The following STAG2 variants were observed in gnomAD, a reference collection of about 807,000 sequenced individuals.
STAG2 encodes the protein STAG2 cohesin complex component, also known as cohesin subunit SA-2.
A neutral mutation model predicts 108.1 loss-of-function variants in STAG2; 14 were observed. That is an observed-to-expected ratio of 0.13 (90% CI 0.09 to 0.20). The LOEUF is 0.20. STAG2 is among the 10% of genes least tolerant of loss of function. STAG2 has a pLI of 1.00. For synonymous variants in STAG2, 307 were observed against 302.7 expected (o/e 1.01, Z -0.15); for missense variants, 440 against 940.9 (o/e 0.47, Z 6.96).
intron 5 of STAG2, among the ~76,000 whole-genome samples, chrX:124,032,076 G>A: frequency 9.0e-6 from 1 of 111,668 alleles, no homozygotes; most frequent in South Asian, 3.7e-4. Context: ...AAATAATTTG[G>A]TCAAAAATAT....
At chrX:124,091,301 T>C (rs1027922899) in intron 32 of STAG2, among the ~76,000 whole-genome samples, 5 of 111,444 alleles carry the variant, frequency 4.5e-5, no homozygotes, top group Admixed American at 3.8e-4. Flanking sequence ...CCTGAACTAT[T>C]GTATTAGCTT....
chrX:123,974,534 C>A (rs1359990937), intron 1 of STAG2, among the ~76,000 whole-genome samples: 4 of 100,034 alleles, frequency 4.0e-5, no homozygotes, highest in African/African-American at 1.5e-4. Context: ...GCCCCATGAT[C>A]ATCTTATATA....
intron 6 of STAG2, among the ~76,000 whole-genome samples, chrX:124,038,253 G>C (rs766568079): frequency 9.0e-6 from 1 of 111,352 alleles, no homozygotes; most frequent in South Asian, 3.7e-4. Flanking sequence ...ACAAAATTAT[G>C]TAAGTTGGGG....
At chrX:124,026,050 G>C (rs369714347) in intron 4 of STAG2, 132 bp downstream of exon 4, 1 of 358,394 alleles carries the variant, frequency 2.8e-6, no homozygotes, top group African/African-American at 2.7e-5. Context: ...GGTATGGTAA[G>C]CCTTCTGAGT....
chrX:124,050,608 CTGT>C (rs771399757), intron 11 of STAG2, among the ~76,000 whole-genome samples: 170 of 110,854 alleles, frequency 1.5e-3, no homozygotes, highest in Non-Finnish European at 2.9e-3. Context: ...AACCATTACG[CTGT>C]TGTTATCTGA....
At chrX:124,050,445 C>T in intron 11 of STAG2, 136 bp downstream of exon 11, 1 of 701,572 alleles carries the variant, frequency 1.4e-6, no homozygotes. Flanking sequence ...TTTCTATCTT[C>T]TCTGTAAAAA....
At chrX:124,070,984 G>T (rs764154069) in intron 24 of STAG2, among the ~76,000 whole-genome samples, 165 bp from the exon 25 acceptor site, 2 of 111,649 alleles carry the variant, frequency 1.8e-5, no homozygotes, top group South Asian at 7.4e-4. Flanking sequence ...ATTATACTTC[G>T]CAGCTTTAGA....
rs1277854661 is a variant in STAG2 at position 124,061,823 on chromosome X, T to C, written c.1587T>C (p.Ile529=). ...TGATTGAAATAATGCTTTGTACCAT[T>C]AGACAAGCGGCTGAATGTCATCCTC... is the stretch of plus-strand genomic sequence containing the variant. ...SALIEIMLCT[I]RQAAECHPPV... The change falls in exon 17 of 35, where the codon ATT becomes ATC. Residue 529 remains isoleucine (I), a synonymous_variant. Coordinates refer to ENST00000371145, the MANE Select transcript of STAG2 (RefSeq NM_001042750.2). 2 of 1,185,358 alleles carry C rather than the reference T, an allele frequency of 1.7e-6. No homozygotes were observed. Among genetic ancestry groups the C allele is most frequent in the African/African-American group, 1.9e-5 (1 of 53,777 alleles).
chrX:124,060,165 A>G (rs754410138), intron 15 of STAG2, among the ~76,000 whole-genome samples: 5 of 111,369 alleles, frequency 4.5e-5, no homozygotes, highest in South Asian at 3.7e-4. Flanking sequence ...GTCTCGCTCT[A>G]TTGCCCAGGC....
At chrX:123,983,334 A>G (rs975263825) in intron 1 of STAG2, among the ~76,000 whole-genome samples, 8 of 110,448 alleles carry the variant, frequency 7.2e-5, no homozygotes, top group Admixed American at 3.9e-4. Flanking sequence ...GTTCATTTCA[A>G]TTTACTACTT....
chrX:124,048,887 AT>A, intron 9 of STAG2, 117 bp from the exon 10 acceptor site: 2 of 540,589 alleles, frequency 3.7e-6, no homozygotes, highest in Non-Finnish European at 6.3e-6. Flanking sequence ...GTCTAGTATA[AT>A]TCAAAATTCC....
chrX:123,998,611 T>TTA (rs2147818561), intron 1 of STAG2, among the ~76,000 whole-genome samples: 1 of 108,031 alleles, frequency 9.3e-6, no homozygotes, highest in South Asian at 4.1e-4. Context: ...TCTATCTATC[T>TTA]ATCTATCTAT....
intron 11 of STAG2, 63 bp from the exon 12 acceptor site, chrX:124,051,058 T>C: frequency 3.1e-6 from 2 of 650,068 alleles, no homozygotes; most frequent in Non-Finnish European, 4.7e-6. Context: ...ATCTTGAATA[T>C]TGAAGTTGAA....
At chrX:124,030,490 A>T (rs2057295441) in intron 4 of STAG2, among the ~76,000 whole-genome samples, 1 of 112,079 alleles carries the variant, frequency 8.9e-6, no homozygotes, top group African/African-American at 3.2e-5. Flanking sequence ...ACTCCTTTTA[A>T]CATAATTTTT....
intron 1 of STAG2, among the ~76,000 whole-genome samples, chrX:124,018,446 TTGGATGGATGGATGGATGGA>T (rs59257430): frequency 9.7e-6 from 1 of 102,740 alleles, no homozygotes; most frequent in Non-Finnish European, 2.0e-5. Flanking sequence ...GGGAAACACA[TTGGATGGATGGATGGATGGA>T]TGGATGGATG....
At chrX:123,963,242 A>G (rs917831120) in intron 1 of STAG2, 9 of 111,158 alleles carry the variant, frequency 8.1e-5, no homozygotes, top group African/African-American at 2.6e-4. Context: ...TTTTCTGCCA[A>G]CCTTCTCTCT....
rs369846965 is a variant in STAG2 at position 124,063,006 on chromosome X, T to A, written c.1731+12T>A. On this transcript the variant is annotated intron_variant, in intron 18 of 34. Transcript: ENST00000371145. ...AGTTATTAGCAAAAGTAAGTTTGTG[T>A]CAATATCATAGTGTTACTAAGAAAT... The A allele has an allele frequency of 1.5e-5, 18 of 1,200,543 alleles. No homozygotes were observed. In the African/African-American group the frequency reaches 1.8e-4, roughly 12 times the overall value.
chrX:124,050,109 T>C (rs2057991278), intron 10 of STAG2, 77 bp from the exon 11 acceptor site: 3 of 1,067,899 alleles, frequency 2.8e-6, no homozygotes, highest in South Asian at 2.2e-5. Context: ...CTGAAGTACT[T>C]GGCATCTCTT....
At position 124,056,252 on chromosome X, in the gene STAG2, G is replaced by C. The variant is rs374721023; in HGVS notation, c.1304+17G>C. On this transcript the variant is annotated intron_variant, in intron 14 of 34. Transcript: ENST00000371145. Reference sequence around the variant, plus strand: ...CTACAAAAAGTAAATCTATATATCTGTTACTCATTTTCTAAGGCATACTTT... The same window carrying C: ...CTACAAAAAGTAAATCTATATATCTCTTACTCATTTTCTAAGGCATACTTT... 2.7e-6 allele frequency: 3 copies of C among 1,112,056 alleles called. No homozygotes were observed. In the African/African-American group the frequency reaches 5.4e-5, roughly 20 times the overall value. The allele number at this position is 1,112,056 out of a possible 1,213,427, so 91.6% of individuals were successfully genotyped here.
Sources: gnomAD v4.1 joint callset for allele counts (sites outside exome capture counted in the v4.1 genomes callset) on GRCh38, gnomAD v4.1.1 for gene constraint, MANE v1.5 for transcripts, NCBI Gene and HGNC (gene_info 2026-07-23, HGNC 2026-07-21) for gene names.